GRB14: variants seen among roughly 807,000 people sequenced by gnomAD.
GRB14 encodes growth factor receptor bound protein 14.
Under a neutral mutation model 69.1 loss-of-function variants are expected in GRB14, and 38 were observed. The observed-to-expected ratio is 0.55, with a 90% CI of 0.42 to 0.72. The LOEUF (loss-of-function observed/expected upper bound fraction) is 0.72, where lower values mean the gene tolerates loss of function less well. Among genes scored for constraint, GRB14 ranks in the 30% least tolerant of loss-of-function variants. GRB14 has a pLI of 0.00. For missense variants in GRB14, 666 were observed against 666.1 expected (o/e 1.00, Z 0.00); for synonymous variants, 247 against 241.3 (o/e 1.02, Z -0.22).
intron 2 of GRB14, among the ~76,000 whole-genome samples, chr2:164,604,728 C>T (rs1171733500): frequency 1.3e-5 from 2 of 151,958 alleles, no homozygotes; most frequent in Non-Finnish European, 1.5e-5. Context: ...GGATAAACTT[C>T]CAAAACAGGC....
intron 2 of GRB14, among the ~76,000 whole-genome samples, chr2:164,617,974 A>AGGGGG (rs1690343987): frequency 1.8e-5 from 1 of 54,944 alleles, no homozygotes; most frequent in Non-Finnish European, 3.6e-5. Flanking sequence ...GGGGGGGGGT[A>AGGGGG]GTGTCAGCGG....
chr2:164,541,205 C>T (rs1299347768), intron 3 of GRB14, among the ~76,000 whole-genome samples: 1 of 151,898 alleles, frequency 6.6e-6, no homozygotes, highest in Admixed American at 6.6e-5. Flanking sequence ...TGGTGGCTCT[C>T]GCCTGTAATC....
At chr2:164,533,794 A>G (rs1469585126) in intron 3 of GRB14, among the ~76,000 whole-genome samples, 31 of 152,342 alleles carry the variant, frequency 2.0e-4, no homozygotes, top group Non-Finnish European at 2.9e-5. Flanking sequence ...GCTACTCAGG[A>G]GTCTGAATAT....
rs148268784 is a variant in GRB14, at chr2:164,503,442, C to CAAA, written c.1024-1110_1024-1108dup. Among the ~76,000 whole-genome samples, 118 of 92,210 alleles carry CAAA rather than the reference C, an allele frequency of 1.3e-3. 8 individuals carry two copies. Among genetic ancestry groups the CAAA allele is most frequent in the East Asian group, 2.3e-3 (2 of 878 alleles). The allele number at this position is 92,210 out of a possible 152,430, so 60.5% of individuals were successfully genotyped here. ...ACAATGGGTATATTTGGTAATTAGG[C>CAAA]AAAAAAAAAAAAAAAAAAAAAAAAA... On this transcript the variant is annotated intron_variant, in intron 8 of 13. Coordinates refer to ENST00000263915, the MANE Select transcript of GRB14 (RefSeq NM_004490.3).
chr2:164,497,126 T>A (rs1184298384), intron 11 of GRB14, 31 bp from the exon 12 acceptor site: 1 of 1,606,544 alleles, frequency 6.2e-7, no homozygotes, highest in Non-Finnish European at 8.5e-7. Flanking sequence ...AATGCAAAGC[T>A]TTGTTTGAGA....
At chr2:164,557,018 A>T (rs1472597034) in intron 2 of GRB14, among the ~76,000 whole-genome samples, 2 of 152,190 alleles carry the variant, frequency 1.3e-5, no homozygotes, top group Non-Finnish European at 1.5e-5. Flanking sequence ...CAAAGAGAAA[A>T]TTTAGGCAAA....
intron 6 of GRB14, among the ~76,000 whole-genome samples, chr2:164,517,189 A>C (rs1687514514): frequency 6.6e-6 from 1 of 152,140 alleles, no homozygotes; most frequent in Non-Finnish European, 1.5e-5. Flanking sequence ...TAGACAAGAG[A>C]ACTTGTGCAG....
At chr2:164,598,726 T>C (rs1689845886) in intron 2 of GRB14, among the ~76,000 whole-genome samples, 1 of 152,184 alleles carries the variant, frequency 6.6e-6, no homozygotes, top group African/African-American at 2.4e-5. Context: ...ATAAGAGTCC[T>C]AACAGTGACC....
rs546240630 is a variant in GRB14 at position 164,583,458 on chromosome 2, G to C, written c.325-35642C>G. Among the ~76,000 whole-genome samples the C allele has an allele frequency of 1.4e-3, 214 of 152,294 alleles. 1 individual carries two copies. The Middle Eastern group carries it at 0.024, about 17-fold the overall frequency. ...GGACATATTAATGTCCTGTGACGTA[G>C]AAGATCTATGTAGAATTAAAAAACA... On this transcript the variant is annotated intron_variant, in intron 2 of 13. Transcript: ENST00000263915.
At chr2:164,539,269 G>A (rs945433112) in intron 3 of GRB14, among the ~76,000 whole-genome samples, 3 of 152,076 alleles carry the variant, frequency 2.0e-5, no homozygotes, top group Non-Finnish European at 4.4e-5. Context: ...GAGGTCAGGA[G>A]TTCAAGACCA....
In GRB14 at chr2:164,497,767, A is replaced by C. The variant is rs374371514; in HGVS notation, c.1105-277T>G. Among the ~76,000 whole-genome samples, 26 of 152,322 alleles carry C rather than the reference A, an allele frequency of 1.7e-4. No individual in the cohort carries two copies. The East Asian group carries it at 3.7e-3, about 21-fold the overall frequency. ...TGAATAAACAGATTAAAAGCTTTTA[A>C]AGTATGTCTTTCTTCTAAAACAAAC... On this transcript the variant is annotated intron_variant, in intron 9 of 13. Transcript: ENST00000263915.
intron 2 of GRB14, among the ~76,000 whole-genome samples, chr2:164,564,934 G>A (rs538385507): frequency 3.3e-5 from 5 of 152,238 alleles, no homozygotes; most frequent in South Asian, 2.1e-4. Flanking sequence ...AGAATCGTTC[G>A]AACCCAGGAG....
At chr2:164,562,335 A>T (rs1401082368) in intron 2 of GRB14, among the ~76,000 whole-genome samples, 1 of 152,192 alleles carries the variant, frequency 6.6e-6, no homozygotes, top group African/African-American at 2.4e-5. Context: ...TACGTTCCCA[A>T]AGATTTTAAA....
chr2:164,605,851 G>T (rs1690028312), intron 2 of GRB14, among the ~76,000 whole-genome samples: 1 of 152,082 alleles, frequency 6.6e-6, no homozygotes, highest in Admixed American at 6.6e-5. Flanking sequence ...TATGGCTAAA[G>T]AATAAAGAGA....
At chr2:164,502,178 T>C in intron 9 of GRB14, 77 bp downstream of exon 9, 2 of 686,768 alleles carry the variant, frequency 2.9e-6, no homozygotes, top group South Asian at 2.0e-5. Flanking sequence ...TATTATAAGA[T>C]ACTGTTATGT....
rs748901643 is a variant in GRB14, at chr2:164,527,093, G to C, written c.524C>G (p.Ser175Cys). The C allele has an allele frequency of 1.3e-6, 2 of 1,585,766 alleles. No homozygotes were observed. The highest frequency in any genetic ancestry group is 1.7e-5 in the Admixed American group (1 of 58,898). Residue 175 changes from serine to cysteine, a missense_variant, in exon 4 of 14, where the codon TCC (serine) becomes TGC (cysteine). Ser to Cys is a moderately radical substitution (Grantham distance 112). Coordinates refer to ENST00000263915, the MANE Select transcript of GRB14 (RefSeq NM_004490.3). ...GTTTTCTTCTTCTATCCCCCAGTTG[G>C]ATAGCACTTCAATCACCAGTTCGTG... Reference protein sequence around the residue: ...EDHELVIEVLSNWGIEEENKL... With the variant: ...EDHELVIEVLCNWGIEEENKL...
chr2:164,502,150 A>G, intron 9 of GRB14, 105 bp downstream of exon 9: 1 of 598,680 alleles, frequency 1.7e-6, no homozygotes, highest in Non-Finnish European at 3.0e-6. Context: ...TACTTTACCA[A>G]CAGAAAATAA....
chr2:164,543,675 A>G (rs1259552384), intron 3 of GRB14, among the ~76,000 whole-genome samples: 1 of 152,200 alleles, frequency 6.6e-6, no homozygotes, highest in African/African-American at 2.4e-5. Context: ...TCTGTTAACA[A>G]AGAGTATCTG....
At chr2:164,592,505 C>A (rs1408640654) in intron 2 of GRB14, among the ~76,000 whole-genome samples, 1 of 152,078 alleles carries the variant, frequency 6.6e-6, no homozygotes, top group Non-Finnish European at 1.5e-5. Flanking sequence ...GGGAACCACC[C>A]TAAACAAGCC....
Sources: allele counts gnomAD v4.1 joint callset (sites outside exome capture counted in the v4.1 genomes callset), GRCh38; gene constraint gnomAD v4.1.1; transcripts MANE v1.5; gene names NCBI Gene and HGNC (gene_info 2026-07-23, HGNC 2026-07-21).